The following CCDC144A variants were observed in gnomAD, a reference collection of about 807,000 sequenced individuals.
The protein encoded by CCDC144A is coiled-coil domain containing 144A, also known as coiled-coil domain-containing protein 144A.
A neutral mutation model predicts 143.8 loss-of-function variants in CCDC144A; 41 were observed. The observed-to-expected ratio is 0.29, with a 90% CI of 0.22 to 0.37. The LOEUF is 0.37. CCDC144A is among the 10% of genes least tolerant of loss of function. The pLI, the probability that CCDC144A is intolerant of heterozygous loss-of-function variation, is 1.00. For synonymous variants in CCDC144A, 242 were observed against 517.9 expected (o/e 0.47, Z 7.23); for missense variants, 637 against 1,488.8 (o/e 0.43, Z 9.41).
the CCDC144A span, among the ~76,000 whole-genome samples, chr17:16,673,155 T>C: frequency 1.3e-5 from 2 of 151,986 alleles, no homozygotes. Flanking sequence ...TTACTGAGAC[T>C]TCAATTCTCA....
At chr17:16,757,414 G>A (rs1179389061) in intron 12 of CCDC144A, among the ~76,000 whole-genome samples, 3 of 152,240 alleles carry the variant, frequency 2.0e-5, no homozygotes, top group Admixed American at 6.5e-5. Flanking sequence ...GCTCCTGGAT[G>A]CCACGTGCAG....
At chr17:16,716,861 T>C (rs1173659541) in intron 6 of CCDC144A, among the ~76,000 whole-genome samples, 1 of 149,172 alleles carries the variant, frequency 6.7e-6, no homozygotes, top group Non-Finnish European at 1.5e-5. Context: ...TCGCCCAGGC[T>C]GGAGTGCAGT....
rs1206925327 is a variant in CCDC144A, at chr17:16,720,996, G to C, written c.1891+338G>C. On this transcript the variant is annotated intron_variant, in intron 8 of 16. Coordinates refer to ENST00000399273, the MANE Select transcript of CCDC144A (RefSeq NM_001382000.1). ...CCCCACCTCCTAAAACCATGGTCTA[G>C]TCTGCAATCATAATGATAAATTTTT... is the stretch of plus-strand genomic sequence containing the variant. 3.8e-3 allele frequency among the ~76,000 whole-genome samples: 581 copies of C among 152,246 alleles called. 6 individuals are homozygous for C. Among genetic ancestry groups the C allele is most frequent in the African/African-American group, 0.013 (551 of 41,536 alleles).
At chr17:16,677,030 T>G in the CCDC144A span, among the ~76,000 whole-genome samples, 1 of 152,082 alleles carries the variant, frequency 6.6e-6, no homozygotes, top group Non-Finnish European at 1.5e-5. Context: ...GAAAAATGTC[T>G]CCCTCAGGTG....
intron 8 of CCDC144A, among the ~76,000 whole-genome samples, chr17:16,722,867 T>C (rs918297711): frequency 2.0e-5 from 3 of 152,146 alleles, no homozygotes; most frequent in Non-Finnish European, 4.4e-5. Context: ...CATTATCGCA[T>C]GGCTGTACCA....
At chr17:16,683,880 T>C in the CCDC144A span, 2 of 1,360,220 alleles carry the variant, frequency 1.5e-6, no homozygotes, top group East Asian at 2.3e-5. Context: ...TTCGTCGTCG[T>C]CTACGCTGAT....
chr17:16,717,425 G>A (rs1300202124), intron 6 of CCDC144A, among the ~76,000 whole-genome samples: 1 of 152,098 alleles, frequency 6.6e-6, no homozygotes, highest in Non-Finnish European at 1.5e-5. Flanking sequence ...CAGCTTTTTA[G>A]TGTGGCATTC....
chr17:16,751,760 G>T (rs866100738), intron 12 of CCDC144A, among the ~76,000 whole-genome samples: 1 of 152,242 alleles, frequency 6.6e-6, no homozygotes, highest in Non-Finnish European at 1.5e-5. Flanking sequence ...GTGGGTCAAG[G>T]GGGGAGGATC....
chr17:16,720,620 T>C lies in CCDC144A; in HGVS notation c.1853T>C (p.Phe618Ser). The change falls in exon 8 of 17, where the codon TTT becomes TCT. Residue 618 changes from phenylalanine to serine, a missense_variant. Physicochemically the swap from Phe to Ser is radical, Grantham distance 155 (BLOSUM62 -2). Transcript: ENST00000399273. ...TTGTCTCACTCTGTTTATGAGAATT[T>C]TATGTTGCTGATTGAACAACTTAGA... is the stretch of plus-strand genomic sequence containing the variant. ...CELSHSVYEN[F>S]MLLIEQLRME... 6.3e-7 allele frequency: 1 copy of C among 1,591,792 alleles called. No individual in the cohort carries two copies. The highest frequency in any genetic ancestry group is 2.2e-5 in the East Asian group (1 of 44,774).
At chr17:16,700,707 G>A (rs1336782599) in intron 2 of CCDC144A, among the ~76,000 whole-genome samples, 1 of 152,102 alleles carries the variant, frequency 6.6e-6, no homozygotes, top group African/African-American at 2.4e-5. Context: ...GGTTTCAGTT[G>A]CATCATTCAT....
In CCDC144A at chr17:16,746,780, G is replaced by A. The variant is rs553280762; in HGVS notation, c.3372+11137G>A. 1.8e-5 allele frequency: 28 copies of A among 1,573,182 alleles called. No homozygotes were observed. In the African/African-American group the frequency reaches 2.0e-4, roughly 11 times the overall value. ...GACCACCTGCGGGGAGCGCGCGGCC[G>A]TTCCCACCGGGGCGGAGCGTGGACA... On this transcript the variant is annotated intron_variant, in intron 12 of 16. Coordinates refer to ENST00000399273, the MANE Select transcript of CCDC144A (RefSeq NM_001382000.1).
At chr17:16,770,940 T>C (rs1915802984) in intron 15 of CCDC144A, among the ~76,000 whole-genome samples, 1 of 152,124 alleles carries the variant, frequency 6.6e-6, no homozygotes, top group Non-Finnish European at 1.5e-5. Context: ...AATGTTTTTG[T>C]CACAGAAATG....
At chr17:16,679,964 C>A in the CCDC144A span, among the ~76,000 whole-genome samples, 3 of 151,968 alleles carry the variant, frequency 2.0e-5, 1 homozygote, top group Non-Finnish European at 2.9e-5. Flanking sequence ...ATAAAGAATT[C>A]TCTGAATACA....
At chr17:16,746,343 C>G (rs1457692398) in intron 12 of CCDC144A, 2 of 1,106,464 alleles carry the variant, frequency 1.8e-6, no homozygotes, top group Non-Finnish European at 2.5e-6. Context: ...TTTTCTAACT[C>G]TCTCCTCCGT....
chr17:16,729,918 C>T (rs1266547867), intron 9 of CCDC144A, among the ~76,000 whole-genome samples: 2 of 140,722 alleles, frequency 1.4e-5, no homozygotes, highest in East Asian at 2.0e-4. Context: ...GATTTTAGTG[C>T]GCCCATCACC....
In CCDC144A at chr17:16,777,780, A is replaced by C. The variant is rs1916049943; in HGVS notation, c.*4147A>C. ...AAAGTCTGAAAGAGCACAAATAAAC[A>C]ATCTAAGGTCACACCTCACAGAATT... is the stretch of plus-strand genomic sequence containing the variant. On this transcript the variant is annotated 3_prime_UTR_variant, in exon 17 of 17. Coordinates refer to ENST00000399273, the MANE Select transcript of CCDC144A (RefSeq NM_001382000.1). 7.1e-6 allele frequency: 1 copy of C among 141,376 alleles called. No individual in the cohort carries two copies. The highest frequency in any genetic ancestry group is 1.5e-5 in the Non-Finnish European group (1 of 66,832). The allele number at this position is 141,376 out of a possible 1,614,324, so 8.8% of individuals were successfully genotyped here.
chr17:16,675,364 T>C, the CCDC144A span, among the ~76,000 whole-genome samples: 2 of 151,928 alleles, frequency 1.3e-5, no homozygotes, highest in Non-Finnish European at 2.9e-5. Context: ...ATTTAGATTG[T>C]TGTTTACATA....
At chr17:16,677,649 T>C in the CCDC144A span, among the ~76,000 whole-genome samples, 1 of 151,894 alleles carries the variant, frequency 6.6e-6, no homozygotes, top group African/African-American at 2.4e-5. Flanking sequence ...CCTGGCCACA[T>C]GGTGAAACCG....
At chr17:16,719,989 C>T (rs1325523922) in intron 6 of CCDC144A, among the ~76,000 whole-genome samples, 1 of 151,912 alleles carries the variant, frequency 6.6e-6, no homozygotes, top group Non-Finnish European at 1.5e-5. Context: ...ATTTCTTTAT[C>T]CCTTAATGTT....
Sources: gnomAD v4.1 joint callset for allele counts (sites outside exome capture counted in the v4.1 genomes callset) on GRCh38, gnomAD v4.1.1 for gene constraint, MANE v1.5 for transcripts, NCBI Gene and HGNC (gene_info 2026-07-23, HGNC 2026-07-21) for gene names.